The following PLPPR1 variants were observed in gnomAD, a reference collection of about 807,000 sequenced individuals.
PLPPR1 encodes the protein phospholipid phosphatase related 1.
A neutral mutation model predicts 33.1 loss-of-function variants in PLPPR1; 10 were observed. The observed-to-expected ratio is 0.30, with a 90% confidence interval of 0.19 to 0.51. The LOEUF (loss-of-function observed/expected upper bound fraction) is 0.51. Among genes scored for constraint, PLPPR1 ranks in the 20% least tolerant of loss-of-function variants. The probability of loss-of-function intolerance (pLI) is 0.97; values close to 1 mark genes in which losing one functional copy is unlikely to be tolerated. For synonymous variants in PLPPR1, 151 were observed against 151.0 expected, an observed-to-expected ratio of 1.00 and a Z score of 0.00; for missense variants, 304 against 408.1, an observed-to-expected ratio of 0.74 and a Z score of 2.20.
At chr9:101,215,353 C>G (rs185587222) in intron 2 of PLPPR1, among the ~76,000 whole-genome samples, 4 of 152,108 alleles carry the variant, frequency 2.6e-5, no homozygotes, top group Non-Finnish European at 5.9e-5. Context: ...CATCTCGGCT[C>G]ACTGCAACCT....
chr9:101,073,097 G>A (rs1174434277), intron 1 of PLPPR1, among the ~76,000 whole-genome samples: 3 of 152,144 alleles, frequency 2.0e-5, no homozygotes, highest in South Asian at 2.1e-4. Flanking sequence ...AATTGGAGAG[G>A]AATGGGTCTG....
At chr9:101,259,348 G>A (rs1191369595) in intron 2 of PLPPR1, among the ~76,000 whole-genome samples, 2 of 152,084 alleles carry the variant, frequency 1.3e-5, no homozygotes, top group Admixed American at 6.6e-5. Context: ...AAAAAATATG[G>A]GCAGGACAAA....
intron 2 of PLPPR1, among the ~76,000 whole-genome samples, chr9:101,196,660 G>GA (rs1249934407): frequency 3.9e-5 from 6 of 152,146 alleles, no homozygotes; most frequent in African/African-American, 1.4e-4. Context: ...AGGAGATTGA[G>GA]ACCATCCTGG....
intron 1 of PLPPR1, among the ~76,000 whole-genome samples, chr9:101,054,687 T>G (rs1830261590): frequency 6.6e-6 from 1 of 152,208 alleles, no homozygotes; most frequent in Non-Finnish European, 1.5e-5. Context: ...TGCTGGCCAC[T>G]GAAATCCTTG....
At chr9:101,031,243 A>G (rs1393621123) in intron 1 of PLPPR1, among the ~76,000 whole-genome samples, 4 of 152,112 alleles carry the variant, frequency 2.6e-5, no homozygotes, top group African/African-American at 4.8e-5. Context: ...AGAGCTCTTT[A>G]TTTGCTTTGT....
intron 3 of PLPPR1, among the ~76,000 whole-genome samples, chr9:101,272,130 A>T (rs974554079): frequency 1.3e-5 from 2 of 152,216 alleles, no homozygotes; most frequent in African/African-American, 4.8e-5. Flanking sequence ...ATAAAATTGA[A>T]AACTCTATGA....
chr9:101,316,500 G>T (rs936226815), intron 6 of PLPPR1, among the ~76,000 whole-genome samples: 16 of 151,666 alleles, frequency 1.1e-4, no homozygotes, highest in Non-Finnish European at 1.0e-4. Context: ...CAGGTAGAGA[G>T]GATGCATGCC....
At chr9:101,127,552 G>C (rs1319877864) in intron 1 of PLPPR1, among the ~76,000 whole-genome samples, 1 of 152,190 alleles carries the variant, frequency 6.6e-6, no homozygotes, top group East Asian at 1.9e-4. Flanking sequence ...ACTTGAGATA[G>C]TGGAGAGCAG....
chr9:101,217,307 G>T (rs1230282188), intron 2 of PLPPR1, among the ~76,000 whole-genome samples: 1 of 152,040 alleles, frequency 6.6e-6, no homozygotes, highest in Non-Finnish European at 1.5e-5. Context: ...CATAGAAAAA[G>T]AAGACATTTG....
At chr9:101,155,245 C>T (rs1238612252) in intron 1 of PLPPR1, among the ~76,000 whole-genome samples, 3 of 152,086 alleles carry the variant, frequency 2.0e-5, no homozygotes, top group Non-Finnish European at 4.4e-5. Context: ...TCCTGCTGAA[C>T]TGGAGAAAGG....
chr9:101,313,879 C>T (rs920357407), intron 6 of PLPPR1, among the ~76,000 whole-genome samples: 1 of 152,062 alleles, frequency 6.6e-6, no homozygotes, highest in Non-Finnish European at 1.5e-5. Context: ...TATTAGTTTG[C>T]CTTTTCTACG....
At chr9:101,249,789 G>T (rs1013576137) in intron 2 of PLPPR1, among the ~76,000 whole-genome samples, 2 of 151,956 alleles carry the variant, frequency 1.3e-5, no homozygotes, top group African/African-American at 4.8e-5. Flanking sequence ...ACTGGTCTTC[G>T]CTCTGGAGAT....
intron 2 of PLPPR1, among the ~76,000 whole-genome samples, chr9:101,217,891 T>G (rs1482924864): frequency 6.6e-6 from 1 of 152,146 alleles, no homozygotes; most frequent in Non-Finnish European, 1.5e-5. Flanking sequence ...ATGATAAACC[T>G]AGTATCTCAA....
At chr9:101,030,187 C>A (rs1829927261) in intron 1 of PLPPR1, among the ~76,000 whole-genome samples, 2 of 151,872 alleles carry the variant, frequency 1.3e-5, no homozygotes, top group South Asian at 4.2e-4. Flanking sequence ...GGAAAAGCGT[C>A]AAATCGAATG....
At chr9:101,309,609 GC>G (rs375672170) in intron 5 of PLPPR1, 148 bp downstream of exon 5, 6 of 802,618 alleles carry the variant, frequency 7.5e-6, no homozygotes, top group East Asian at 5.3e-5. Context: ...TGATATACTA[GC>G]CCCCCCACAC....
intron 6 of PLPPR1, among the ~76,000 whole-genome samples, chr9:101,314,506 T>G (rs1412042064): frequency 6.6e-6 from 1 of 152,124 alleles, no homozygotes; most frequent in Non-Finnish European, 1.5e-5. Flanking sequence ...AATATCACAG[T>G]AAAGCTAGGC....
Position 101,268,085 on chromosome 9 carries a change from C to T in PLPPR1, c.64-1795C>T, listed in dbSNP as rs541504523. On this transcript the variant is annotated intron_variant, in intron 2 of 7. Transcript: ENST00000374874. ...CACTTGGACACAGGAAGGGGAACATCACACACCGGGGCCTGTTGTGGGTAG... is the reference window on the plus strand; with the variant it reads ...CACTTGGACACAGGAAGGGGAACATTACACACCGGGGCCTGTTGTGGGTAG... 7.2e-5 allele frequency among the ~76,000 whole-genome samples: 11 copies of T among 152,018 alleles called. No individual in the cohort carries two copies. The South Asian group carries it at 2.1e-3, about 29-fold the overall frequency.
chr9:101,052,703 C>A (rs1420814371), intron 1 of PLPPR1, among the ~76,000 whole-genome samples: 4 of 152,140 alleles, frequency 2.6e-5, no homozygotes, highest in Admixed American at 6.6e-5. Context: ...CTGCTTAGGT[C>A]ATATTTTCTA....
At chr9:101,161,965 A>G (rs1184744155) in intron 1 of PLPPR1, among the ~76,000 whole-genome samples, 1 of 152,038 alleles carries the variant, frequency 6.6e-6, no homozygotes, top group Non-Finnish European at 1.5e-5. Flanking sequence ...TAGGATAAGG[A>G]GCTAGCACGG....
Sources: allele counts gnomAD v4.1 joint callset (sites outside exome capture counted in the v4.1 genomes callset), GRCh38; gene constraint gnomAD v4.1.1; transcripts MANE v1.5; gene names NCBI Gene and HGNC (gene_info 2026-07-23, HGNC 2026-07-21).